Variants in WWOX observed in about 807,000 individuals in gnomAD.
WWOX encodes WW domain containing oxidoreductase, also known as WW domain-containing oxidoreductase.
Under a neutral mutation model 46.2 loss-of-function variants are expected in WWOX, and 69 were observed. That is an observed-to-expected ratio of 1.49 (90% CI 1.23 to 1.82). The LOEUF is 1.82. Ranked by LOEUF, WWOX falls within the 40% of genes most tolerant of loss-of-function variation. The pLI, the probability that WWOX is intolerant of heterozygous loss-of-function variation, is 0.00. For synonymous variants in WWOX, 359 were observed against 202.6 expected (o/e 1.77, Z -6.56); for missense variants, 919 against 542.6 (o/e 1.69, Z -6.89).
intron 8 of WWOX, among the ~76,000 whole-genome samples, chr16:78,966,023 G>A (rs1029213196): frequency 6.6e-6 from 1 of 152,154 alleles, no homozygotes; most frequent in Non-Finnish European, 1.5e-5. Context: ...GTTATCTCCA[G>A]GTGCTATCTG....
chr16:78,654,533 C>G (rs1198998904), intron 8 of WWOX, among the ~76,000 whole-genome samples: 1 of 152,166 alleles, frequency 6.6e-6, no homozygotes, highest in Non-Finnish European at 1.5e-5. Context: ...AAACTGAGCT[C>G]TTTGGAGAAG....
intron 8 of WWOX, chr16:79,004,069 T>G (rs974768191): frequency 6.6e-6 from 1 of 152,176 alleles, no homozygotes; most frequent in Non-Finnish European, 1.5e-5. Flanking sequence ...GTCTCTGGTG[T>G]TACTGTCTGC....
intron 5 of WWOX, among the ~76,000 whole-genome samples, chr16:78,373,457 C>G (rs550628954): frequency 6.6e-6 from 1 of 152,158 alleles, no homozygotes; most frequent in African/African-American, 2.4e-5. Context: ...GTTACATTCT[C>G]TTCTGCTCAG....
chr16:78,732,189 C>T (rs1276429104), intron 8 of WWOX, among the ~76,000 whole-genome samples: 2 of 152,022 alleles, frequency 1.3e-5, no homozygotes, highest in Non-Finnish European at 2.9e-5. Flanking sequence ...CCTTTACTGA[C>T]TTACTTATTA....
intron 5 of WWOX, among the ~76,000 whole-genome samples, chr16:78,243,807 A>C (rs1309747085): frequency 6.6e-6 from 1 of 152,196 alleles, no homozygotes; most frequent in Non-Finnish European, 1.5e-5. Flanking sequence ...TCGGCCTCCC[A>C]AGGTGCTGAG....
At chr16:78,521,146 ATTC>A in intron 8 of WWOX, among the ~76,000 whole-genome samples, 1 of 152,254 alleles carries the variant, frequency 6.6e-6, no homozygotes, top group Non-Finnish European at 1.5e-5. Flanking sequence ...ATATAACTTA[ATTC>A]TTCATTCCAG....
chr16:78,859,648 T>C (rs1306998095), intron 8 of WWOX, among the ~76,000 whole-genome samples: 1 of 152,172 alleles, frequency 6.6e-6, no homozygotes, highest in Non-Finnish European at 1.5e-5. Context: ...TGATCTTCTG[T>C]GATTCTCTTG....
intron 8 of WWOX, among the ~76,000 whole-genome samples, chr16:78,527,609 A>G (rs1055604810): frequency 6.6e-6 from 1 of 152,154 alleles, no homozygotes; most frequent in African/African-American, 2.4e-5. Flanking sequence ...TGTATCTCTT[A>G]ATGAGTTTAA....
intron 8 of WWOX, among the ~76,000 whole-genome samples, chr16:78,484,615 G>A (rs1645660684): frequency 6.6e-6 from 1 of 152,172 alleles, no homozygotes; most frequent in South Asian, 2.1e-4. Context: ...TATCAAGGTG[G>A]CAAACGGTAG....
intron 6 of WWOX, among the ~76,000 whole-genome samples, chr16:78,393,911 G>GA (rs1038948277): frequency 1.3e-5 from 2 of 151,382 alleles, no homozygotes; most frequent in African/African-American, 2.4e-5. Flanking sequence ...CATATGGGAG[G>GA]AAAAAAAATC....
intron 8 of WWOX, among the ~76,000 whole-genome samples, chr16:78,753,825 A>AATATATATATAT (rs1159243014): frequency 3.0e-3 from 63 of 21,308 alleles, no homozygotes; most frequent in East Asian, 6.2e-3. Context: ...AAAAAAAAAA[A>AATATATATATAT]ATATATATAT....
chr16:78,348,970 G>C lies in WWOX; in HGVS notation c.517-37890G>C, dbSNP rs1040374392. On this transcript the variant is annotated intron_variant, in intron 5 of 8. Transcript: ENST00000566780. ...AGGAAGTCTGAACGAGGGCCACATT[G>C]CAGATAGAGGCCGGTGTACTGGTCT... Among the ~76,000 whole-genome samples the C allele has an allele frequency of 2.5e-4, 30 of 120,768 alleles. 4 individuals carry two copies. The highest frequency in any genetic ancestry group is 8.1e-4 in the African/African-American group (29 of 35,630). The allele number at this position is 120,768 out of a possible 152,430, so 79.2% of individuals were successfully genotyped here.
intron 5 of WWOX, among the ~76,000 whole-genome samples, chr16:78,252,299 C>T (rs981710509): frequency 3.9e-5 from 6 of 152,140 alleles, no homozygotes; most frequent in Admixed American, 2.6e-4. Context: ...TGTATATGTG[C>T]ATACACATAC....
chr16:78,328,450 T>C (rs550173563), intron 5 of WWOX, among the ~76,000 whole-genome samples: 1 of 152,344 alleles, frequency 6.6e-6, no homozygotes, highest in East Asian at 1.9e-4. Context: ...TCTGTGGCTT[T>C]GGATGAGCTG....
chr16:78,446,904 A>T (rs144127977), intron 8 of WWOX, among the ~76,000 whole-genome samples: 35 of 152,002 alleles, frequency 2.3e-4, no homozygotes, highest in African/African-American at 8.0e-4. Flanking sequence ...CAAGGGATCC[A>T]CCTACCTTGG....
At chr16:78,535,891 G>A (rs554749079) in intron 8 of WWOX, among the ~76,000 whole-genome samples, 6 of 152,238 alleles carry the variant, frequency 3.9e-5, no homozygotes, top group East Asian at 1.9e-4. Context: ...CATTTTCCTC[G>A]GTGGTGAAGT....
chr16:78,817,560 ATGCCAAGT>A (rs1474443036), intron 8 of WWOX, among the ~76,000 whole-genome samples: 2 of 152,204 alleles, frequency 1.3e-5, no homozygotes, highest in African/African-American at 2.4e-5. Flanking sequence ...TCACGAACCC[ATGCCAAGT>A]TGGCTACAAA....
intron 8 of WWOX, among the ~76,000 whole-genome samples, chr16:78,645,882 G>C (rs963188830): frequency 2.6e-5 from 4 of 152,088 alleles, no homozygotes; most frequent in Admixed American, 1.3e-4. Context: ...TGACTTTTTC[G>C]ATTTCTGGAG....
chr16:78,385,963 C>T (rs896076620), intron 5 of WWOX, among the ~76,000 whole-genome samples: 4 of 152,146 alleles, frequency 2.6e-5, no homozygotes, highest in Non-Finnish European at 5.9e-5. Flanking sequence ...GGAGGGGCAA[C>T]CCGGAGATTT....
Sources: allele counts gnomAD v4.1 joint callset (sites outside exome capture counted in the v4.1 genomes callset), GRCh38; gene constraint gnomAD v4.1.1; transcripts MANE v1.5; gene names NCBI Gene and HGNC (gene_info 2026-07-23, HGNC 2026-07-21).